The following KDM2B variants were observed in gnomAD, a reference collection of about 807,000 sequenced individuals.
KDM2B encodes the protein lysine demethylase 2B.
A neutral mutation model predicts 150.0 loss-of-function variants in KDM2B; 26 were observed. The observed-to-expected ratio is 0.17, with a 90% CI of 0.13 to 0.24. KDM2B has a LOEUF of 0.24. Ranked by LOEUF, KDM2B falls within the 10% of genes least tolerant of loss-of-function variation. The pLI, the probability that KDM2B is intolerant of heterozygous loss-of-function variation, is 1.00. For missense variants in KDM2B, 1,265 were observed against 1,816.9 expected (o/e 0.70, Z 5.52); for synonymous variants, 734 against 729.5 (o/e 1.01, Z -0.10).
intron 6 of KDM2B, among the ~76,000 whole-genome samples, chr12:121,540,129 T>C (rs1555309490): frequency 1.3e-5 from 2 of 152,192 alleles, no homozygotes; most frequent in South Asian, 4.1e-4. Context: ...TAGTAACCCA[T>C]GCCTCCCTTA....
chr12:121,470,794 C>T (rs1403759811), intron 12 of KDM2B, among the ~76,000 whole-genome samples: 2 of 152,222 alleles, frequency 1.3e-5, no homozygotes, highest in African/African-American at 4.8e-5. Flanking sequence ...TCCCTTACTA[C>T]ATGCTATTAA....
rs1877427941 is a variant in KDM2B at position 121,452,350 on chromosome 12, T to C, written c.1959+770A>G. ...TGCGTGGAAGGAGATGGCTGAGGTG[T>C]CTGGGCCTGCGGGGCATCGACAGCC... is the stretch of plus-strand genomic sequence containing the variant. On this transcript the variant is annotated intron_variant, in intron 13 of 22. Transcript: ENST00000377071. The surrounding 1 kb of genome is among the most constrained non-coding windows in gnomAD (Gnocchi z 4.4). Among the ~76,000 whole-genome samples the C allele has an allele frequency of 6.6e-6, 1 of 152,180 alleles. No homozygotes were observed. Among genetic ancestry groups the C allele is most frequent in the African/African-American group, 2.4e-5 (1 of 41,436 alleles).
downstream of KDM2B, among the ~76,000 whole-genome samples, chr12:121,425,361 A>C (rs375826597): frequency 6.6e-6 from 1 of 152,100 alleles, no homozygotes; most frequent in East Asian, 1.9e-4. Context: ...ATGTTGTGAA[A>C]TCTCTTTTAG....
intron 12 of KDM2B, among the ~76,000 whole-genome samples, chr12:121,474,813 G>A (rs142157025): frequency 3.2e-4 from 48 of 152,164 alleles, no homozygotes; most frequent in African/African-American, 6.5e-4. Context: ...TTAGCTGGGC[G>A]TGGTGGTGCA....
rs1555316557 is a variant in KDM2B, at chr12:121,574,534, G to A, written c.397+13C>T. 1 of 1,613,224 alleles carries A rather than the reference G, an allele frequency of 6.2e-7. No homozygotes were observed. On this transcript the variant is annotated intron_variant, in intron 4 of 22. Transcript: ENST00000377071. ...TCAGCATGTCTGAGCCACACACACG[G>A]CAAGCGACTTACCCACTAGGAGTTT...
intron 6 of KDM2B, among the ~76,000 whole-genome samples, chr12:121,544,326 C>G (rs897639220): frequency 1.3e-5 from 2 of 151,840 alleles, no homozygotes; most frequent in East Asian, 3.9e-4. Context: ...CAAAAAGATT[C>G]CTGGCTGGGC....
At chr12:121,527,285 T>C (rs1887223608) in intron 8 of KDM2B, among the ~76,000 whole-genome samples, 1 of 142,382 alleles carries the variant, frequency 7.0e-6, no homozygotes, top group African/African-American at 2.6e-5. Context: ...CTCAATCTCC[T>C]GATCTGCCCG....
At chr12:121,482,229 A>T (rs1389761071) in intron 12 of KDM2B, among the ~76,000 whole-genome samples, 1 of 152,224 alleles carries the variant, frequency 6.6e-6, no homozygotes, top group East Asian at 1.9e-4. Flanking sequence ...ATGCTGAAAA[A>T]TTCCAGGTGA....
intron 12 of KDM2B, among the ~76,000 whole-genome samples, chr12:121,485,031 G>A (rs1341029715): frequency 6.6e-6 from 1 of 151,976 alleles, no homozygotes; most frequent in East Asian, 1.9e-4. Flanking sequence ...TGAAGACCCA[G>A]GGAGACCACA....
intron 11 of KDM2B, among the ~76,000 whole-genome samples, chr12:121,501,079 C>T (rs1191036408): frequency 6.6e-6 from 1 of 152,004 alleles, no homozygotes; most frequent in Non-Finnish European, 1.5e-5. Context: ...CCAGCCTGGG[C>T]AACAGAGCAA....
chr12:121,437,508 G>GGA (rs146484707), intron 22 of KDM2B, among the ~76,000 whole-genome samples: 6 of 150,702 alleles, frequency 4.0e-5, no homozygotes, highest in East Asian at 1.9e-4. Flanking sequence ...GTCCACATGG[G>GGA]AAAAAAAAAG....
chr12:121,433,680 A>C (rs1593706993), intron 22 of KDM2B, among the ~76,000 whole-genome samples: 1 of 152,256 alleles, frequency 6.6e-6, no homozygotes, highest in East Asian at 1.9e-4. Flanking sequence ...AAATTGCTAT[A>C]AAATCCTAGT....
chr12:121,467,151 C>G lies in KDM2B; in HGVS notation c.1735-13807G>C, dbSNP rs1555294985. On this transcript the variant is annotated intron_variant, in intron 12 of 22. Coordinates refer to ENST00000377071, the MANE Select transcript of KDM2B (RefSeq NM_032590.5). This position sits in a 1 kb window ranked among gnomAD's most constrained non-coding sequence, Gnocchi z 5.1. ...TCCCTCCCTCAGCCCCACCCCGGGC[C>G]GCCGACCTGGTCCGGCTCCGATTCA... 1 of 1,121,294 alleles carries G rather than the reference C, an allele frequency of 8.9e-7. No individual in the cohort carries two copies. Among genetic ancestry groups the G allele is most frequent in the South Asian group, 1.8e-5 (1 of 57,000 alleles). The allele number at this position is 1,121,294 out of a possible 1,614,324, so 69.5% of individuals were successfully genotyped here.
intron 12 of KDM2B, among the ~76,000 whole-genome samples, chr12:121,483,767 T>C (rs1555298307): frequency 1.3e-5 from 2 of 150,854 alleles, no homozygotes; most frequent in African/African-American, 4.9e-5. Context: ...AATGCAGAAG[T>C]GCAGTGGGGA....
rs782101520 is a variant in KDM2B at position 121,442,668 on chromosome 12, C to T, written c.2773G>A (p.Glu925Lys). Residue 925 changes from glutamate to lysine, a missense_variant, in exon 19 of 23, where the codon GAG becomes AAG. By Grantham distance (56) the Glu-to-Lys change is moderately conservative (BLOSUM62 1). Coordinates refer to ENST00000377071, the MANE Select transcript of KDM2B (RefSeq NM_032590.5). The surrounding 1 kb of genome is among the most constrained non-coding windows in gnomAD (Gnocchi z 7.7). Reference protein sequence around the residue: ...PTAGPSTEGAEGPEEKKKVKM... With the variant: ...PTAGPSTEGAKGPEEKKKVKM... ...ACCTTCTTCTTCTCCTCCGGGCCCT[C>T]GGCCCCTTCGGTGCTGGGTCCCGCG... The T allele has an allele frequency of 1.9e-6, 3 of 1,605,176 alleles. No homozygotes were observed. The highest frequency in any genetic ancestry group is 2.5e-6 in the Non-Finnish European group (3 of 1,177,246).
intron 6 of KDM2B, among the ~76,000 whole-genome samples, chr12:121,543,351 T>C (rs1050983868): frequency 2.0e-5 from 3 of 151,614 alleles, no homozygotes; most frequent in African/African-American, 7.3e-5. Flanking sequence ...GTGAAACTCT[T>C]TCTCAAAAAA....
chr12:121,442,855 A>C lies in KDM2B; in HGVS notation c.2605-19T>G, dbSNP rs1875394229. ...ACCGCCGCTGAGGGCGAGAGCGGAG[A>C]CGCGTCAGCCTCTGGGGCTCAGGGC... is the stretch of plus-strand genomic sequence containing the variant. On this transcript the variant is annotated intron_variant, in intron 18 of 22. Coordinates refer to ENST00000377071, the MANE Select transcript of KDM2B (RefSeq NM_032590.5). The surrounding 1 kb of genome is among the most constrained non-coding windows in gnomAD (Gnocchi z 7.7). 6.6e-7 allele frequency: 1 copy of C among 1,515,544 alleles called. No homozygotes were observed. Among genetic ancestry groups the C allele is most frequent in the Non-Finnish European group, 8.8e-7 (1 of 1,136,610 alleles). The allele number at this position is 1,515,544 out of a possible 1,614,324, so 93.9% of individuals were successfully genotyped here. A position where few individuals can be genotyped will look rare whatever the true frequency, so the allele number is the denominator to read the frequency against.
the KDM2B span, among the ~76,000 whole-genome samples, chr12:121,415,606 C>G: frequency 6.6e-6 from 1 of 151,874 alleles, no homozygotes; most frequent in South Asian, 2.1e-4. Context: ...ACAATGAGAC[C>G]CTGTTTTTAA....
At chr12:121,412,598 C>T in the KDM2B span, among the ~76,000 whole-genome samples, 3 of 151,950 alleles carry the variant, frequency 2.0e-5, no homozygotes, top group African/African-American at 4.8e-5. Context: ...AGTCCAGTCT[C>T]GAACTCCTGA....
Sources: gnomAD v4.1 joint callset for allele counts (sites outside exome capture counted in the v4.1 genomes callset) on GRCh38, gnomAD v4.1.1 for gene constraint, Gnocchi (gnomAD v3.1) non-coding constraint, MANE v1.5 for transcripts, NCBI Gene and HGNC (gene_info 2026-07-23, HGNC 2026-07-21) for gene names.